The following UBE4B variants were observed in gnomAD, a reference collection of about 807,000 sequenced individuals.
UBE4B encodes ubiquitination factor E4B.
UBE4B carries 27 observed loss-of-function variants against 148.1 expected under a neutral mutation model. That is an observed-to-expected ratio of 0.18 (90% CI 0.13 to 0.25). The LOEUF (loss-of-function observed/expected upper bound fraction) is 0.25, where lower values mean the gene tolerates loss of function less well. Among genes scored for constraint, UBE4B ranks in the 10% least tolerant of loss-of-function variants. The pLI is 1.00. For missense variants in UBE4B, 1,170 were observed against 1,662.4 expected (o/e 0.70, Z 5.15); for synonymous variants, 596 against 619.3 (o/e 0.96, Z 0.56).
intron 18 of UBE4B, chr1:10,145,705 A>G (rs937939754): frequency 1.6e-4 from 24 of 152,202 alleles, no homozygotes; most frequent in African/African-American, 5.5e-4. Flanking sequence ...CTCATCCAGT[A>G]TATCTAGCCA....
rs147142759 is a variant in UBE4B, at chr1:10,123,363, G to A, written c.1554+1287G>A. 1.1e-3 allele frequency among the ~76,000 whole-genome samples: 159 copies of A among 147,362 alleles called. 1 individual carries two copies. The highest frequency in any genetic ancestry group is 3.7e-3 in the African/African-American group (147 of 39,608). On this transcript the variant is annotated intron_variant, in intron 10 of 27. Transcript: ENST00000343090. ...GGAGAATTGCTTGAACCAAGGAGAC[G>A]AGGTTGCAGTGAGCCGAGATTACAC...
chr1:10,174,306 T>C (rs954571899), intron 25 of UBE4B, among the ~76,000 whole-genome samples: 36 of 149,594 alleles, frequency 2.4e-4, no homozygotes, highest in Admixed American at 1.9e-3. Flanking sequence ...GGCAGGAGAA[T>C]AGCTTGAACC....
At chr1:10,079,584 A>G (rs1644643602) in intron 2 of UBE4B, among the ~76,000 whole-genome samples, 2 of 152,272 alleles carry the variant, frequency 1.3e-5, no homozygotes, top group Admixed American at 1.3e-4. Flanking sequence ...AATGATTTAA[A>G]TGAAAGACTT....
chr1:10,129,568 G>T (rs1481567962), intron 12 of UBE4B, 120 bp downstream of exon 12: 1 of 935,254 alleles, frequency 1.1e-6, no homozygotes, highest in African/African-American at 1.6e-5. Flanking sequence ...GTAGGCGGAG[G>T]TAACGTGTCT....
At chr1:10,037,954 T>C (rs967168278) in intron 1 of UBE4B, among the ~76,000 whole-genome samples, 3 of 152,136 alleles carry the variant, frequency 2.0e-5, no homozygotes, top group Non-Finnish European at 4.4e-5. Flanking sequence ...ATCTGCAAGA[T>C]GGTTGGCTGG....
At chr1:10,089,503 G>GAAAAAAAAA (rs113766750) in intron 2 of UBE4B, among the ~76,000 whole-genome samples, 4 of 134,526 alleles carry the variant, frequency 3.0e-5, no homozygotes, top group African/African-American at 1.1e-4. Flanking sequence ...ACATGTCTCT[G>GAAAAAAAAA]AAAAAAAAAA....
chr1:10,154,772 G>A (rs1189134816), intron 21 of UBE4B, among the ~76,000 whole-genome samples: 1 of 151,960 alleles, frequency 6.6e-6, no homozygotes, highest in Non-Finnish European at 1.5e-5. Context: ...AATCAGGGAG[G>A]CAGAGGTTGC....
rs946983925 is a variant in UBE4B at position 10,122,117 on chromosome 1, G to A, written c.1554+41G>A. The A allele has an allele frequency of 2.1e-6, 3 of 1,412,694 alleles. No homozygotes were observed. The African/African-American group carries it at 4.3e-5, about 20-fold the overall frequency. The allele number at this position is 1,412,694 out of a possible 1,614,324, so 87.5% of individuals were successfully genotyped here. A position where few individuals can be genotyped will look rare whatever the true frequency, so the allele number is the denominator to read the frequency against. On this transcript the variant is annotated intron_variant, in intron 10 of 27. Coordinates refer to ENST00000343090, the MANE Select transcript of UBE4B (RefSeq NM_001105562.3). ...TTTGCTCTTGCAAATTTTAGCCTGA[G>A]AGCCTCTATGTCGAGGCTAATTTCT...
chr1:10,075,495 A>G (rs1367592550), intron 2 of UBE4B, among the ~76,000 whole-genome samples: 1 of 152,226 alleles, frequency 6.6e-6, no homozygotes, highest in Non-Finnish European at 1.5e-5. Context: ...CTAAAGCATA[A>G]GTGCAACACT....
chr1:10,155,947 C>T (rs924206447), intron 21 of UBE4B, among the ~76,000 whole-genome samples: 3 of 151,358 alleles, frequency 2.0e-5, no homozygotes, highest in Non-Finnish European at 2.9e-5. Flanking sequence ...TTGCTTGAAC[C>T]GGGACCTGGG....
At chr1:10,130,407 T>A in intron 12 of UBE4B, 93 bp from the exon 13 acceptor site, 1 of 1,062,968 alleles carries the variant, frequency 9.4e-7, no homozygotes, top group Non-Finnish European at 1.4e-6. Flanking sequence ...AATAATATCT[T>A]GTGAAAATAC....
chr1:10,065,914 G>T (rs1374771470), intron 1 of UBE4B, among the ~76,000 whole-genome samples: 1 of 151,586 alleles, frequency 6.6e-6, no homozygotes, highest in East Asian at 1.9e-4. Flanking sequence ...TTTTGCAACC[G>T]GCTTTTTCAA....
intron 1 of UBE4B, among the ~76,000 whole-genome samples, chr1:10,041,724 G>A (rs1570763991): frequency 6.6e-6 from 1 of 151,540 alleles, no homozygotes; most frequent in East Asian, 2.0e-4. Flanking sequence ...TTAAGACAGA[G>A]CCTCGCTGTG....
rs866224103 is a variant in UBE4B, at chr1:10,076,025, C to T, written c.211+3811C>T. Among the ~76,000 whole-genome samples the T allele has an allele frequency of 3.3e-5, 5 of 152,156 alleles. No homozygotes were observed. In the Middle Eastern group the frequency reaches 0.017, roughly 518 times the overall value. On this transcript the variant is annotated intron_variant, in intron 2 of 27. Transcript: ENST00000343090. ...CACCACTGCATTCCAGCCTGGGCAA[C>T]AGAGCAAGACCCTGTCTCAAAAAAG... is the stretch of plus-strand genomic sequence containing the variant.
chr1:10,127,951 G>A (rs776417451), intron 11 of UBE4B, among the ~76,000 whole-genome samples: 1 of 152,232 alleles, frequency 6.6e-6, no homozygotes, highest in Non-Finnish European at 1.5e-5. Context: ...TGGGAAATTA[G>A]AAGGTGAAAC....
Position 10,058,090 on chromosome 1 carries a change from G to A in UBE4B, c.25-13938G>A, listed in dbSNP as rs575102265. On this transcript the variant is annotated intron_variant, in intron 1 of 27. Transcript: ENST00000343090. ...GCTGAGGCCAGGAGCCGACATGGAT[G>A]ATCCCCTTCTAGAGGTGACGTGTTT... Among the ~76,000 whole-genome samples, 9 of 152,312 alleles carry A rather than the reference G, an allele frequency of 5.9e-5. No homozygotes were observed. In the East Asian group the frequency reaches 1.7e-3, roughly 29 times the overall value.
chr1:10,089,068 G>A (rs1230935902), intron 2 of UBE4B, among the ~76,000 whole-genome samples: 7 of 152,154 alleles, frequency 4.6e-5, no homozygotes, highest in Middle Eastern at 3.4e-3. Context: ...GTGCAGTGGC[G>A]CGATCTCAGC....
intron 10 of UBE4B, among the ~76,000 whole-genome samples, chr1:10,125,905 A>G (rs903670409): frequency 1.3e-5 from 2 of 152,158 alleles, no homozygotes; most frequent in African/African-American, 2.4e-5. Flanking sequence ...ACATTTACCA[A>G]CTAGCTCTTT....
intron 25 of UBE4B, among the ~76,000 whole-genome samples, chr1:10,176,618 G>C (rs1267982483): frequency 6.6e-6 from 1 of 151,896 alleles, no homozygotes; most frequent in Non-Finnish European, 1.5e-5. Flanking sequence ...TTGCGGTTTT[G>C]ATTTGTATTT....
Sources: gnomAD v4.1 joint callset for allele counts (sites outside exome capture counted in the v4.1 genomes callset) on GRCh38, gnomAD v4.1.1 for gene constraint, MANE v1.5 for transcripts, NCBI Gene and HGNC (gene_info 2026-07-23, HGNC 2026-07-21) for gene names.